Variants in KAZN observed in about 807,000 individuals in gnomAD.
KAZN encodes the protein kazrin.
Under a neutral mutation model 87.4 loss-of-function variants are expected in KAZN, and 40 were observed. The observed-to-expected ratio is 0.46, with a 90% CI of 0.36 to 0.60. The LOEUF (loss-of-function observed/expected upper bound fraction) is 0.60. Ranked by LOEUF, KAZN falls within the 20% of genes least tolerant of loss-of-function variation. The pLI is 0.00. For missense variants in KAZN, 898 were observed against 1,073.9 expected, an observed-to-expected ratio of 0.84 and a Z score of 2.29; for synonymous variants, 466 against 458.3, an observed-to-expected ratio of 1.02 and a Z score of -0.22.
intron 1 of KAZN, among the ~76,000 whole-genome samples, chr1:14,926,675 C>G (rs1659202381): frequency 6.6e-6 from 1 of 152,216 alleles, no homozygotes; most frequent in Non-Finnish European, 1.5e-5. Flanking sequence ...AAACCATCGG[C>G]TGTTACAAGG....
chr1:14,014,912 G>T (rs1314168807), intron 1 of KAZN, among the ~76,000 whole-genome samples: 2 of 152,162 alleles, frequency 1.3e-5, no homozygotes, highest in Non-Finnish European at 2.9e-5. Context: ...TAGCCTCAAT[G>T]ATACTAATAT....
chr1:14,616,472 G>GAA (rs530449852), intron 1 of KAZN, among the ~76,000 whole-genome samples: 5 of 136,780 alleles, frequency 3.7e-5, no homozygotes, highest in Non-Finnish European at 6.4e-5. Context: ...GGGTGATTTA[G>GAA]AAAAAAAAAA....
In KAZN at chr1:14,530,778, T is replaced by C. The variant is rs536584168; in HGVS notation, c.250-68205T>C. Among the ~76,000 whole-genome samples, 30 of 152,272 alleles carry C rather than the reference T, an allele frequency of 2.0e-4. 1 individual carries two copies. The South Asian group carries it at 5.8e-3, about 29-fold the overall frequency. ...AGAAATGTGAGCCAATTAAACCTCT[T>C]TTCCTTATAAATTACCCAGTCTCTG... On this transcript the variant is annotated intron_variant, in intron 2 of 16. Transcript: ENST00000636203.
intron 1 of KAZN, among the ~76,000 whole-genome samples, chr1:14,807,972 C>T (rs907638549): frequency 1.3e-5 from 2 of 152,168 alleles, no homozygotes; most frequent in Non-Finnish European, 2.9e-5. Flanking sequence ...AGGCAGCTCA[C>T]TCCCAAGACA....
chr1:14,707,869 C>T (rs994414958), intron 1 of KAZN, among the ~76,000 whole-genome samples: 3 of 152,134 alleles, frequency 2.0e-5, no homozygotes, highest in Admixed American at 6.5e-5. Flanking sequence ...CAGCGTTTAC[C>T]AATGCTACAT....
At chr1:15,029,430 C>A (rs1044985828) in intron 2 of KAZN, among the ~76,000 whole-genome samples, 4 of 152,200 alleles carry the variant, frequency 2.6e-5, no homozygotes, top group African/African-American at 9.7e-5. Flanking sequence ...TCTCAGAGAG[C>A]CCCAGGTTAG....
At chr1:14,986,677 A>T (rs1666855440) in intron 2 of KAZN, among the ~76,000 whole-genome samples, 1 of 152,104 alleles carries the variant, frequency 6.6e-6, no homozygotes, top group Non-Finnish European at 1.5e-5. Context: ...ATAACCTGTC[A>T]CCTTAATTTG....
intron 1 of KAZN, among the ~76,000 whole-genome samples, chr1:13,981,183 AATG>A (rs1167204392): frequency 2.1e-5 from 3 of 141,444 alleles, no homozygotes; most frequent in African/African-American, 7.7e-5. Context: ...GAAGTGGTTA[AATG>A]ATAAGAAAAA....
intron 1 of KAZN, among the ~76,000 whole-genome samples, chr1:14,072,380 T>C (rs1188057287): frequency 3.3e-5 from 5 of 152,156 alleles, no homozygotes; most frequent in Non-Finnish European, 7.4e-5. Flanking sequence ...GCTGTGGTGC[T>C]CCTCCATCTA....
intron 1 of KAZN, among the ~76,000 whole-genome samples, chr1:14,003,058 C>T (rs1165386344): frequency 6.6e-6 from 1 of 152,068 alleles, no homozygotes; most frequent in Non-Finnish European, 1.5e-5. Context: ...TTTGCAGGGA[C>T]ATGGATGAAG....
At chr1:14,353,879 C>T (rs1658769548) in intron 2 of KAZN, among the ~76,000 whole-genome samples, 1 of 152,134 alleles carries the variant, frequency 6.6e-6, no homozygotes, top group South Asian at 2.1e-4. Flanking sequence ...TTCCACCTAT[C>T]CTAATCAAAA....
rs1646270704 is a variant in KAZN, at chr1:14,184,820, C to T, written c.249+4228C>T. ...GGGAGGGTTAGCGCCCCAAAGTCAACATCATCTTGCATTGGGAAGGATGCC... is the reference window on the plus strand; with the variant it reads ...GGGAGGGTTAGCGCCCCAAAGTCAATATCATCTTGCATTGGGAAGGATGCC... On this transcript the variant is annotated intron_variant, in intron 2 of 16. Transcript: ENST00000636203. This position sits in a 1 kb window ranked among gnomAD's most constrained non-coding sequence, Gnocchi z 4.2. 6.6e-6 allele frequency among the ~76,000 whole-genome samples: 1 copy of T among 152,166 alleles called. No individual in the cohort carries two copies. The highest frequency in any genetic ancestry group is 6.5e-5 in the Admixed American group (1 of 15,268).
At chr1:14,891,640 G>GT (rs1055819531) in intron 1 of KAZN, among the ~76,000 whole-genome samples, 1 of 152,066 alleles carries the variant, frequency 6.6e-6, no homozygotes, top group East Asian at 1.9e-4. Flanking sequence ...CCGTTGAATT[G>GT]TTTTTTCTAA....
chr1:14,058,102 G>A (rs1642648944), intron 1 of KAZN, among the ~76,000 whole-genome samples: 1 of 152,082 alleles, frequency 6.6e-6, no homozygotes, highest in Non-Finnish European at 1.5e-5. Context: ...GGATGTCACA[G>A]AGCCCATTGT....
At chr1:14,132,599 GA>G (rs986769738) in intron 1 of KAZN, among the ~76,000 whole-genome samples, 2 of 152,164 alleles carry the variant, frequency 1.3e-5, no homozygotes, top group Non-Finnish European at 2.9e-5. Context: ...GCCATTACCA[GA>G]AAAAGGAAGA....
At chr1:14,956,327 C>T (rs1039959352) in intron 1 of KAZN, among the ~76,000 whole-genome samples, 5 of 148,590 alleles carry the variant, frequency 3.4e-5, no homozygotes, top group Admixed American at 6.7e-5. Flanking sequence ...AGACCCAGCA[C>T]GGTGGCTCCC....
intron 2 of KAZN, among the ~76,000 whole-genome samples, chr1:14,419,462 C>A (rs1044379171): frequency 2.6e-5 from 4 of 152,218 alleles, no homozygotes; most frequent in African/African-American, 9.6e-5. Flanking sequence ...CCAAGCCACT[C>A]CATGAAGCAC....
intron 2 of KAZN, among the ~76,000 whole-genome samples, chr1:14,576,807 A>C (rs1367980605): frequency 6.6e-6 from 1 of 152,200 alleles, no homozygotes; most frequent in African/African-American, 2.4e-5. Context: ...AAAAAAGGAA[A>C]AAAATCCAAG....
chr1:14,726,540 T>C (rs1287254603), intron 1 of KAZN, among the ~76,000 whole-genome samples: 2 of 152,148 alleles, frequency 1.3e-5, no homozygotes, highest in Non-Finnish European at 2.9e-5. Context: ...CTTCCTCGAG[T>C]GTCTGTGGGC....
Sources: allele counts gnomAD v4.1 joint callset (sites outside exome capture counted in the v4.1 genomes callset), GRCh38; gene constraint gnomAD v4.1.1; non-coding constraint Gnocchi (gnomAD v3.1); transcripts MANE v1.5; gene names NCBI Gene and HGNC (gene_info 2026-07-23, HGNC 2026-07-21).